Variants in SYP observed in about 807,000 individuals in gnomAD.
SYP encodes major synaptic vesicle protein P38.
A neutral mutation model predicts 24.3 loss-of-function variants in SYP; 2 were observed. The observed-to-expected ratio is 0.08, with a 90% CI of 0.03 to 0.26. SYP has a LOEUF of 0.26. SYP is among the 10% of genes least tolerant of loss of function. The pLI is 1.00. For synonymous variants in SYP, 143 were observed against 123.2 expected, an observed-to-expected ratio of 1.16 and a Z score of -1.07; for missense variants, 216 against 266.3, an observed-to-expected ratio of 0.81 and a Z score of 1.32.
intron 1 of SYP, among the ~76,000 whole-genome samples, chrX:49,199,649 G>A (rs1557103728): frequency 9.6e-6 from 1 of 103,784 alleles, no homozygotes; most frequent in Non-Finnish European, 2.0e-5. Flanking sequence ...GAGGCTGGGG[G>A]TTTTGGAAGG....
Position 49,193,255 on chromosome X carries a change from C to T in SYP, c.615+17G>A. On this transcript the variant is annotated intron_variant, in intron 5 of 6. Transcript: ENST00000263233. ...TGTTTTCCACTCTCCCTCCTCCAGC[C>T]AGCACCCAGGGCTTACCACCGAGGT... The T allele has an allele frequency of 8.3e-7, 1 of 1,210,561 alleles. No individual in the cohort carries two copies.
intron 3 of SYP, among the ~76,000 whole-genome samples, chrX:49,194,801 C>T (rs1185139318): frequency 7.5e-5 from 8 of 107,063 alleles, no homozygotes; most frequent in Admixed American, 4.0e-4. Flanking sequence ...CTCTGCCTCC[C>T]GGGTTCAAGC....
chrX:49,198,790 G>A (rs907883316), intron 2 of SYP, 178 bp downstream of exon 2: 3 of 512,481 alleles, frequency 5.9e-6, no homozygotes, highest in Non-Finnish European at 1.0e-5. Context: ...TGACGTCACA[G>A]CTCATCTGTT....
In SYP at chrX:49,193,537, A is replaced by G. The variant is rs368088291; in HGVS notation, c.424-74T>C. On this transcript the variant is annotated intron_variant, in intron 4 of 6. Coordinates refer to ENST00000263233, the MANE Select transcript of SYP (RefSeq NM_003179.3). Reference sequence around the variant, plus strand: ...ACGCTAGGCCCTGGGGCCTCCTCGGATCACAGGTCCCCCAGAAGAGGCCTG... The same window carrying G: ...ACGCTAGGCCCTGGGGCCTCCTCGGGTCACAGGTCCCCCAGAAGAGGCCTG... The G allele has an allele frequency of 1.2e-5, 13 of 1,094,880 alleles. No homozygotes were observed. In the African/African-American group the frequency reaches 2.0e-4, roughly 17 times the overall value. The allele number at this position is 1,094,880 out of a possible 1,213,427, so 90.2% of individuals were successfully genotyped here.
At chrX:49,190,797 G>A (rs60882394) in intron 6 of SYP, 4,300 of 114,618 alleles carry the variant, frequency 0.038, 203 homozygotes, top group African/African-American at 0.13. Context: ...GAGATTACAG[G>A]CATGAGCCAC....
chrX:49,194,080 G>T, intron 4 of SYP, 86 bp downstream of exon 4: 1 of 1,084,609 alleles, frequency 9.2e-7, no homozygotes. Flanking sequence ...GCCTGTCTGG[G>T]ATTTGGTGTG....
intron 6 of SYP, among the ~76,000 whole-genome samples, chrX:49,190,230 AG>A (rs1378203961): frequency 9.3e-6 from 1 of 107,158 alleles, no homozygotes; most frequent in Non-Finnish European, 1.9e-5. Flanking sequence ...CCCAGGCTGG[AG>A]TGCAGTGGCG....
At position 49,197,809 on chromosome X, in the gene SYP, C is replaced by T. The variant is rs782140208; in HGVS notation, c.133G>A (p.Gly45Ser). Residue 45 changes from glycine to serine, a missense_variant, in exon 3 of 7, where the codon GGC becomes AGC. Coordinates refer to ENST00000263233, the MANE Select transcript of SYP (RefSeq NM_003179.3). ...AGCTGGAGCTCCCCACTGTAGCTGC[C>T]GCATGTGGCAAAGGCGAAGATGGCG... ...VFAIFAFATCGSYSGELQLSV... is the reference protein window; with the variant it reads ...VFAIFAFATCSSYSGELQLSV... 24 of 1,208,158 alleles carry T rather than the reference C, an allele frequency of 2.0e-5. No individual in the cohort carries two copies. Among genetic ancestry groups the T allele is most frequent in the East Asian group, 3.0e-5 (1 of 33,699 alleles).
At chrX:49,191,244 C>A (rs1225929118) in intron 6 of SYP, 189 bp downstream of exon 6, 1 of 493,940 alleles carries the variant, frequency 2.0e-6, no homozygotes, top group Admixed American at 3.0e-5. Context: ...CTTCTTTTCT[C>A]CATTCATTAG....
At chrX:49,196,273 CCCCTCTGCCTCTCAGG>C (rs782361880) in intron 3 of SYP, among the ~76,000 whole-genome samples, 22 of 111,578 alleles carry the variant, frequency 2.0e-4, no homozygotes, top group African/African-American at 7.2e-4. Flanking sequence ...TACCTGGCTG[CCCCTCTGCCTCTCAGG>C]CCACACTTTC....
intron 1 of SYP, 27 bp from the exon 2 acceptor site, chrX:49,199,060 G>A (rs368203253): frequency 5.0e-6 from 6 of 1,202,398 alleles, no homozygotes. Flanking sequence ...TGGGGAAGGG[G>A]TGGGGTTGTT....
intron 2 of SYP, 25 bp from the exon 3 acceptor site, chrX:49,197,864 CCA>C: frequency 1.7e-6 from 2 of 1,207,754 alleles, no homozygotes; most frequent in South Asian, 3.6e-5. Context: ...ATGGGGATGG[CCA>C]CAGTGAACCT....
At position 49,188,445 on chromosome X, in the gene SYP, C is replaced by G. The variant is rs1557102250; in HGVS notation, c.*842G>C. On this transcript the variant is annotated 3_prime_UTR_variant, in exon 7 of 7. Coordinates refer to ENST00000263233, the MANE Select transcript of SYP (RefSeq NM_003179.3). ...TCTAAGCCCCACCCTGTCTGGAACC[C>G]TGGCTTGGCCCATTCCTGAATCCCA... 1 of 111,310 alleles carries G rather than the reference C, an allele frequency of 9.0e-6. No individual in the cohort carries two copies. Among genetic ancestry groups the G allele is most frequent in the African/African-American group, 3.3e-5 (1 of 30,545 alleles). 9.2% of individuals were successfully genotyped at this position (111,310 alleles called of 1,213,427 possible).
In SYP at chrX:49,194,331, G is replaced by C; in HGVS notation, c.258C>G (p.Thr86=). 8.3e-7 allele frequency: 1 copy of C among 1,211,556 alleles called. No homozygotes were observed. Among genetic ancestry groups the C allele is most frequent in the Non-Finnish European group, 1.1e-6 (1 of 895,472 alleles). The change falls in exon 4 of 7, where the codon ACC becomes ACG. Residue 86 remains threonine (T), a synonymous_variant. Coordinates refer to ENST00000263233, the MANE Select transcript of SYP (RefSeq NM_003179.3). The part of the protein sequence containing the change: ...RLHQVYFDAP[T]CRGGTTKVFL... ...AGACCTTGGTGGTGCCCCCTCGGCA[G>C]GTGGGTGCATCAAAGTACACTTGGT...
intron 5 of SYP, among the ~76,000 whole-genome samples, chrX:49,192,711 C>T (rs1432734545): frequency 1.8e-5 from 2 of 112,095 alleles, no homozygotes. Flanking sequence ...GTAATCTTAG[C>T]ATCTGTAACC....
intron 1 of SYP, 112 bp downstream of exon 1, chrX:49,200,039 G>C (rs111279175): frequency 0.12 from 112,835 of 964,433 alleles, 5,499 homozygotes; most frequent in Non-Finnish European, 0.13. Context: ...GCCGGGGACC[G>C]GGTCTCCGCT....
chrX:49,192,044 T>A (rs1557102829), intron 5 of SYP, among the ~76,000 whole-genome samples: 1 of 112,767 alleles, frequency 8.9e-6, no homozygotes, highest in Admixed American at 9.3e-5. Context: ...TATATACACA[T>A]TTATGCATGT....
In SYP at chrX:49,193,604, C is replaced by A. The variant is rs782382494; in HGVS notation, c.424-141G>T. On this transcript the variant is annotated intron_variant, in intron 4 of 6. Transcript: ENST00000263233. The stretch of plus-strand genomic sequence containing the variant: ...TCAGCTCTCAAGCCCACAACACTTT[C>A]ACCTGAAGGTGGCCCTCCCAGCTTG... The A allele has an allele frequency of 2.2e-5, 15 of 667,547 alleles. No homozygotes were observed. The Admixed American group carries it at 4.5e-4, about 20-fold the overall frequency. 55.0% of individuals were successfully genotyped at this position (667,547 alleles called of 1,213,427 possible).
At chrX:49,194,388 C>T in intron 3 of SYP, 27 bp from the exon 4 acceptor site, 1 of 1,201,033 alleles carries the variant, frequency 8.3e-7, no homozygotes, top group East Asian at 3.0e-5. Context: ...GCAGGTGTGG[C>T]CCAGCCCCTC....
Sources: gnomAD v4.1 joint callset for allele counts (sites outside exome capture counted in the v4.1 genomes callset) on GRCh38, gnomAD v4.1.1 for gene constraint, MANE v1.5 for transcripts, NCBI Gene and HGNC (gene_info 2026-07-23, HGNC 2026-07-21) for gene names.